The following CADM2 variants were observed in gnomAD, a reference collection of about 807,000 sequenced individuals.
CADM2 encodes cell adhesion molecule 2.
Under a neutral mutation model 49.8 loss-of-function variants are expected in CADM2, and 12 were observed. That is an observed-to-expected ratio of 0.24 (90% CI 0.15 to 0.39). CADM2 has a LOEUF of 0.39. CADM2 is among the 10% of genes least tolerant of loss of function. The pLI is 1.00. For synonymous variants in CADM2, 214 were observed against 175.4 expected, an observed-to-expected ratio of 1.22 and a Z score of -1.74; for missense variants, 378 against 492.3, an observed-to-expected ratio of 0.77 and a Z score of 2.20.
chr3:86,046,508 A>G (rs1364464199), intron 8 of CADM2, among the ~76,000 whole-genome samples: 1 of 152,006 alleles, frequency 6.6e-6, no homozygotes, highest in Non-Finnish European at 1.5e-5. Context: ...GACAATTTTT[A>G]TTGTAATCAC....
intron 1 of CADM2, among the ~76,000 whole-genome samples, chr3:85,421,455 C>G (rs1157821019): frequency 6.6e-6 from 1 of 152,084 alleles, no homozygotes; most frequent in Non-Finnish European, 1.5e-5. Flanking sequence ...GCAGAAGAAT[C>G]AGTTTTCAAA....
intron 1 of CADM2, among the ~76,000 whole-genome samples, chr3:85,493,723 G>T (rs533973555): frequency 6.6e-6 from 1 of 152,250 alleles, no homozygotes; most frequent in Non-Finnish European, 1.5e-5. Flanking sequence ...GAAGAATGTG[G>T]TCATTGCCTT....
At chr3:85,417,685 A>T (rs2035976084) in intron 1 of CADM2, among the ~76,000 whole-genome samples, 1 of 152,108 alleles carries the variant, frequency 6.6e-6, no homozygotes, top group Non-Finnish European at 1.5e-5. Flanking sequence ...TCTTCAAAAA[A>T]CCTTTAAGGG....
At chr3:85,422,470 G>T (rs1463590251) in intron 1 of CADM2, among the ~76,000 whole-genome samples, 1 of 151,930 alleles carries the variant, frequency 6.6e-6, no homozygotes, top group Non-Finnish European at 1.5e-5. Flanking sequence ...GTAGAGACGG[G>T]GTTTCACTGT....
At chr3:85,967,274 G>A (rs1725596267) in intron 8 of CADM2, among the ~76,000 whole-genome samples, 1 of 151,608 alleles carries the variant, frequency 6.6e-6, no homozygotes, top group African/African-American at 2.4e-5. Context: ...TGCTTACTAT[G>A]GGAGAGGAAA....
chr3:85,205,422 A>G (rs1227166253), intron 1 of CADM2, among the ~76,000 whole-genome samples: 1 of 152,148 alleles, frequency 6.6e-6, no homozygotes, highest in African/African-American at 2.4e-5. Context: ...AATAAATACT[A>G]CTACAAATGT....
chr3:86,038,951 C>T (rs1165832942), intron 8 of CADM2, among the ~76,000 whole-genome samples: 2 of 152,160 alleles, frequency 1.3e-5, no homozygotes, highest in Non-Finnish European at 2.9e-5. Context: ...TTAGAATAAA[C>T]ATTTAGAAGG....
chr3:85,756,563 T>A (rs1246814991), intron 2 of CADM2, among the ~76,000 whole-genome samples: 3 of 152,208 alleles, frequency 2.0e-5, no homozygotes, highest in African/African-American at 7.2e-5. Flanking sequence ...CTGCTTGATA[T>A]TGTAACCTGT....
intron 1 of CADM2, among the ~76,000 whole-genome samples, chr3:84,984,164 C>G (rs12637056): frequency 0.08 from 12,058 of 151,300 alleles, 682 homozygotes; most frequent in Admixed American, 0.19. Flanking sequence ...GAGCTGTTTC[C>G]CATGTTGCAT....
intron 1 of CADM2, among the ~76,000 whole-genome samples, chr3:85,637,924 C>T (rs1056950890): frequency 6.6e-6 from 1 of 152,128 alleles, no homozygotes; most frequent in East Asian, 1.9e-4. Context: ...TAAGTCTAAT[C>T]AAAGGCATCA....
At chr3:85,482,467 A>G (rs565952471) in intron 1 of CADM2, among the ~76,000 whole-genome samples, 15 of 151,796 alleles carry the variant, frequency 9.9e-5, no homozygotes, top group Admixed American at 9.2e-4. Context: ...TTACCGAGTA[A>G]TCTCCTTGAC....
intron 6 of CADM2, among the ~76,000 whole-genome samples, chr3:85,921,764 C>G (rs1048624117): frequency 4.6e-5 from 7 of 151,916 alleles, no homozygotes; most frequent in Non-Finnish European, 1.0e-4. Context: ...ATCTCTCTCT[C>G]TCTCTCTCTC....
Position 86,072,086 on chromosome 3 carries a change from AT to A in CADM2, c.*5304del, listed in dbSNP as rs574552947. 2.7e-3 allele frequency: 405 copies of A among 152,066 alleles called. 1 individual carries two copies. Among genetic ancestry groups the A allele is most frequent in the African/African-American group, 9.5e-3 (396 of 41,550 alleles). The allele number at this position is 152,066 out of a possible 1,614,324, so 9.4% of individuals were successfully genotyped here. A position where few individuals can be genotyped will look rare whatever the true frequency, so the allele number is the denominator to read the frequency against. On this transcript the variant is annotated 3_prime_UTR_variant, in exon 10 of 10. Transcript: ENST00000383699. ...CAAATGCCCACTTCATTTTGTCTGCATAGACATATTAAGAATTTTTCAATGA... is the reference window on the plus strand; with the variant it reads ...CAAATGCCCACTTCATTTTGTCTGCAAGACATATTAAGAATTTTTCAATGA...
chr3:85,340,450 G>GTACATATATATGTGCATTATAGA (rs1160207824), intron 1 of CADM2, among the ~76,000 whole-genome samples: 9 of 151,394 alleles, frequency 5.9e-5, no homozygotes, highest in Non-Finnish European at 8.9e-5. Context: ...ATTTGTGTGT[G>GTACATATATATGTGCATTATAGA]TACATATATA....
At chr3:85,229,908 T>G (rs1458147091) in intron 1 of CADM2, among the ~76,000 whole-genome samples, 1 of 152,204 alleles carries the variant, frequency 6.6e-6, no homozygotes, top group Non-Finnish European at 1.5e-5. Flanking sequence ...ACCTGTGTCA[T>G]TACACTGATA....
intron 3 of CADM2, among the ~76,000 whole-genome samples, chr3:85,860,554 C>T (rs1159709778): frequency 6.6e-6 from 1 of 152,096 alleles, no homozygotes; most frequent in Non-Finnish European, 1.5e-5. Context: ...GCTGGCAAGT[C>T]CAAGATCAAG....
intron 1 of CADM2, among the ~76,000 whole-genome samples, chr3:85,009,235 G>A (rs2033875327): frequency 6.6e-6 from 1 of 152,102 alleles, no homozygotes; most frequent in African/African-American, 2.4e-5. Flanking sequence ...CAAATTCAGA[G>A]ACATTAAAGA....
chr3:85,267,652 G>T (rs2043150451), intron 1 of CADM2, among the ~76,000 whole-genome samples: 1 of 151,414 alleles, frequency 6.6e-6, no homozygotes, highest in African/African-American at 2.4e-5. Context: ...TTAGAGCAAT[G>T]TCTGGTATAT....
chr3:85,519,415 C>G (rs1225479517), intron 1 of CADM2, among the ~76,000 whole-genome samples: 1 of 152,002 alleles, frequency 6.6e-6, no homozygotes, highest in Non-Finnish European at 1.5e-5. Context: ...ATTACTTACT[C>G]AATTATATCG....
Sources: gnomAD v4.1 joint callset for allele counts (sites outside exome capture counted in the v4.1 genomes callset) on GRCh38, gnomAD v4.1.1 for gene constraint, MANE v1.5 for transcripts, NCBI Gene and HGNC (gene_info 2026-07-23, HGNC 2026-07-21) for gene names.